The following RAB6B variants were observed in gnomAD, a reference collection of about 807,000 sequenced individuals.
The protein encoded by RAB6B is RAB6B, member RAS oncogene family, also known as ras-related protein Rab-6B.
In RAB6B, 7 loss-of-function variants were observed where a neutral mutation model predicts 31.2. The observed-to-expected ratio is 0.22, with a 90% CI of 0.13 to 0.42. The LOEUF (loss-of-function observed/expected upper bound fraction) is 0.42, where lower values mean the gene tolerates loss of function less well. Ranked by LOEUF, RAB6B falls within the 10% of genes least tolerant of loss-of-function variation. The probability of loss-of-function intolerance (pLI) is 1.00; values close to 1 mark genes in which losing one functional copy is unlikely to be tolerated. For missense variants in RAB6B, 149 were observed against 280.6 expected, an observed-to-expected ratio of 0.53 and a Z score of 3.35; for synonymous variants, 105 against 104.9, an observed-to-expected ratio of 1.00 and a Z score of -0.01.
In RAB6B at chr3:133,834,588, T is replaced by A; in HGVS notation, c.549A>T (p.Lys183Asn). Residue 183 changes from lysine (K) to asparagine (N), a missense_variant, in exon 7 of 8, where the codon AAA (lysine) becomes AAT (asparagine). By Grantham distance (94) the Lys-to-Asn change is moderately conservative (BLOSUM62 0). Around this residue, in one of 2 missense-constraint regions of RAB6B, gnomAD observed 74 missense variants for 100.5 expected, o/e 0.74. Coordinates refer to ENST00000285208, the MANE Select transcript of RAB6B (RefSeq NM_016577.4). ...ALPGMENVQE[K>N]SKEGMIDIKL... ...GGAAAAGGATACTCCCTTCTTTGCT[T>A]TTCTCCTGGACATTCTCCATTCCGG... The A allele has an allele frequency of 6.2e-7, 1 of 1,613,736 alleles. No individual in the cohort carries two copies. The highest frequency in any genetic ancestry group is 8.5e-7 in the Non-Finnish European group (1 of 1,179,598).
At chr3:133,865,571 T>C (rs1936227369) in intron 1 of RAB6B, among the ~76,000 whole-genome samples, 1 of 152,222 alleles carries the variant, frequency 6.6e-6, no homozygotes, top group African/African-American at 2.4e-5. Context: ...TCCTATCATG[T>C]CTCTGCCATG....
chr3:133,894,493 C>G (rs778962984), intron 1 of RAB6B: 1 of 152,396 alleles, frequency 6.6e-6, no homozygotes, highest in Admixed American at 6.5e-5. Flanking sequence ...CTCCCCTCCC[C>G]CAAGAAGGGC....
rs553651043 is a variant in RAB6B, at chr3:133,885,507, T to A, written c.70+9890A>T. On this transcript the variant is annotated intron_variant, in intron 1 of 7. Coordinates refer to ENST00000285208, the MANE Select transcript of RAB6B (RefSeq NM_016577.4). ...GAGGATGGGGGACTCACACATCCAATGACCAGAGGATAGGGGAGCTCACAC... is the reference window on the plus strand; with the variant it reads ...GAGGATGGGGGACTCACACATCCAAAGACCAGAGGATAGGGGAGCTCACAC... 1.3e-5 allele frequency: 9 copies of A among 702,604 alleles called. No individual in the cohort carries two copies. The African/African-American group carries it at 1.6e-4, about 12-fold the overall frequency. 43.5% of individuals were successfully genotyped at this position (702,604 alleles called of 1,614,324 possible).
chr3:133,873,851 GTTGA>G (rs1936357927), intron 1 of RAB6B, among the ~76,000 whole-genome samples: 1 of 152,114 alleles, frequency 6.6e-6, no homozygotes, highest in African/African-American at 2.4e-5. Flanking sequence ...AACATAAACA[GTTGA>G]TTAACAGGTA....
chr3:133,833,597 A>G (rs1935688448), intron 7 of RAB6B, among the ~76,000 whole-genome samples: 1 of 152,102 alleles, frequency 6.6e-6, no homozygotes, highest in African/African-American at 2.4e-5. Context: ...TCCAACATTA[A>G]GCTGTGTGCT....
chr3:133,870,624 C>T (rs1312866001), intron 1 of RAB6B, among the ~76,000 whole-genome samples: 1 of 152,152 alleles, frequency 6.6e-6, no homozygotes, highest in Non-Finnish European at 1.5e-5. Flanking sequence ...GAGCCCAAGA[C>T]AACTGGACAA....
Position 133,838,603 on chromosome 3 carries a change from A to G in RAB6B, c.402-344T>C, listed in dbSNP as rs1346609596. 3.3e-5 allele frequency among the ~76,000 whole-genome samples: 5 copies of G among 152,066 alleles called. No homozygotes were observed. The East Asian group carries it at 9.7e-4, about 29-fold the overall frequency. Reference sequence around the variant, plus strand: ...GAAGAGATTCAAGCCAGGCAGTGCCACTCTGGGTGGTATTATCAGTCGCAT... The same window carrying G: ...GAAGAGATTCAAGCCAGGCAGTGCCGCTCTGGGTGGTATTATCAGTCGCAT... On this transcript the variant is annotated intron_variant, in intron 5 of 7. Coordinates refer to ENST00000285208, the MANE Select transcript of RAB6B (RefSeq NM_016577.4).
At chr3:133,839,692 C>G (rs1320995886) in intron 4 of RAB6B, 75 bp from the exon 5 acceptor site, 7 of 1,118,496 alleles carry the variant, frequency 6.3e-6, no homozygotes, top group African/African-American at 1.5e-5. Context: ...GAGGTGTGAG[C>G]CAGGAGCAGG....
At chr3:133,861,321 G>A (rs1242965934) in intron 2 of RAB6B, among the ~76,000 whole-genome samples, 3 of 152,230 alleles carry the variant, frequency 2.0e-5, no homozygotes, top group African/African-American at 7.2e-5. Flanking sequence ...GATGGGCAGG[G>A]TGTTGAGAGG....
chr3:133,851,253 G>C (rs994093052), intron 2 of RAB6B, among the ~76,000 whole-genome samples: 34 of 152,296 alleles, frequency 2.2e-4, no homozygotes, highest in African/African-American at 7.9e-4. Context: ...ATACATGCAT[G>C]GGTCAATGCA....
At chr3:133,895,183 C>A (rs1215188090) in intron 1 of RAB6B, among the ~76,000 whole-genome samples, 3 of 152,178 alleles carry the variant, frequency 2.0e-5, no homozygotes, top group Non-Finnish European at 4.4e-5. Flanking sequence ...CAGAGCCCAC[C>A]CTCACCTCCA....
At chr3:133,863,455 T>C (rs115699574) in intron 2 of RAB6B, among the ~76,000 whole-genome samples, 1 of 152,220 alleles carries the variant, frequency 6.6e-6, no homozygotes, top group East Asian at 1.9e-4. Context: ...AGGGACGTCT[T>C]AGAACAGCAG....
At position 133,895,453 on chromosome 3, in the gene RAB6B, C is replaced by G; in HGVS notation, c.14G>C (p.Gly5Ala). 6.2e-7 allele frequency: 1 copy of G among 1,610,928 alleles called. No individual in the cohort carries two copies. The highest frequency in any genetic ancestry group is 1.3e-5 in the African/African-American group (1 of 74,920). ...TTTTCTCAGTGGATTCCCAAAATCT[C>G]CCCCTGCGGACATGGTGCTGGCAGC... MSAG[G>A]DFGNPLRKFK... is the part of the protein sequence containing the mutation. The change falls in exon 1 of 8, where the codon GGA becomes GCA. Residue 5 changes from glycine (G) to alanine (A), a missense_variant. Physicochemically the swap from Gly to Ala is moderately conservative, Grantham distance 60. Coordinates refer to ENST00000285208, the MANE Select transcript of RAB6B (RefSeq NM_016577.4).
chr3:133,884,328 AC>A (rs1301951961), intron 1 of RAB6B, among the ~76,000 whole-genome samples: 1 of 152,140 alleles, frequency 6.6e-6, no homozygotes, highest in Non-Finnish European at 1.5e-5. Flanking sequence ...GCACCAATTG[AC>A]CTGAACAGGC....
intron 1 of RAB6B, among the ~76,000 whole-genome samples, chr3:133,865,910 C>T (rs1482953210): frequency 2.0e-5 from 3 of 152,240 alleles, no homozygotes; most frequent in African/African-American, 7.2e-5. Flanking sequence ...CCAGAAGGAG[C>T]ATCTGACTGA....
chr3:133,838,018 C>T (rs1193991201), intron 6 of RAB6B, 148 bp downstream of exon 6: 1 of 798,380 alleles, frequency 1.3e-6, no homozygotes, highest in African/African-American at 1.7e-5. Context: ...TAGCTCTCCC[C>T]TCCCTGGGCG....
Position 133,824,401 on chromosome 3 carries a change from G to T in RAB6B, c.*4387C>A, listed in dbSNP as rs373331036. The T allele has an allele frequency of 7.2e-5, 11 of 152,324 alleles. No homozygotes were observed. Among genetic ancestry groups the T allele is most frequent in the African/African-American group, 2.6e-4 (11 of 41,566 alleles). The allele number at this position is 152,324 out of a possible 1,614,324, so 9.4% of individuals were successfully genotyped here. A position where few individuals can be genotyped will look rare whatever the true frequency, so the allele number is the denominator to read the frequency against. On this transcript the variant is annotated 3_prime_UTR_variant, in exon 8 of 8. Coordinates refer to ENST00000285208, the MANE Select transcript of RAB6B (RefSeq NM_016577.4). Reference sequence around the variant, plus strand: ...TCACAGCCAATCACTTTAAAGGGATGGGTGAGGGGAAAGTGAGGGGAGAAG... The same window carrying T: ...TCACAGCCAATCACTTTAAAGGGATTGGTGAGGGGAAAGTGAGGGGAGAAG...
At chr3:133,862,870 T>C (rs1936183862) in intron 2 of RAB6B, among the ~76,000 whole-genome samples, 1 of 152,154 alleles carries the variant, frequency 6.6e-6, no homozygotes, top group African/African-American at 2.4e-5. Context: ...CTGTTTTCAA[T>C]GGGACACTAA....
At chr3:133,876,115 G>C (rs1936393582) in intron 1 of RAB6B, among the ~76,000 whole-genome samples, 2 of 152,302 alleles carry the variant, frequency 1.3e-5, no homozygotes, top group African/African-American at 2.4e-5. Flanking sequence ...ATTCTCCCCA[G>C]TGTAGGAGCC....
Sources: gnomAD v4.1 joint callset for allele counts (sites outside exome capture counted in the v4.1 genomes callset) on GRCh38, gnomAD v4.1.1 for gene constraint, gnomAD v4.1.1 regional missense constraint, MANE v1.5 for transcripts, NCBI Gene and HGNC (gene_info 2026-07-23, HGNC 2026-07-21) for gene names.